Variants in OXR1 observed in about 807,000 individuals in gnomAD.
OXR1 encodes oxidation resistance protein 1.
Under a neutral mutation model 104.6 loss-of-function variants are expected in OXR1, and 41 were observed. The ratio of observed to expected loss-of-function variants is 0.39; its 90% confidence interval spans 0.31 to 0.51. The LOEUF (loss-of-function observed/expected upper bound fraction) is 0.51. Among genes scored for constraint, OXR1 ranks in the 20% least tolerant of loss-of-function variants. The probability of loss-of-function intolerance (pLI) is 0.77; values close to 1 mark genes in which losing one functional copy is unlikely to be tolerated. For missense variants in OXR1, 955 were observed against 1,031.9 expected, an observed-to-expected ratio of 0.93 and a Z score of 1.02; for synonymous variants, 348 against 348.4, an observed-to-expected ratio of 1.00 and a Z score of 0.01.
chr8:106,666,370 A>G (rs1437092039), intron 3 of OXR1, among the ~76,000 whole-genome samples: 1 of 152,218 alleles, frequency 6.6e-6, no homozygotes, highest in African/African-American at 2.4e-5. Flanking sequence ...GCTAATGCAA[A>G]TGAGGAACTG....
chr8:106,401,467 C>T (rs1193305963), intron 2 of OXR1, among the ~76,000 whole-genome samples: 16 of 152,120 alleles, frequency 1.1e-4, no homozygotes, highest in Admixed American at 1.0e-3. Context: ...CACTGTGATT[C>T]ACCTGTAGGG....
In OXR1 at chr8:106,507,800, C is replaced by G. The variant is rs564696473; in HGVS notation, c.24-11143C>G. ...GGAGTGTAGGAGGAAGTTTTTCTCC[C>G]TTTCCTGCATCCCTTCCTTTGTGCG... is the stretch of plus-strand genomic sequence containing the variant. On this transcript the variant is annotated intron_variant, in intron 2 of 16. Coordinates refer to ENST00000517566, the MANE Select transcript of OXR1 (RefSeq NM_001198533.2). Among the ~76,000 whole-genome samples the G allele has an allele frequency of 2.0e-5, 3 of 152,252 alleles. No individual in the cohort carries two copies. In the East Asian group the frequency reaches 5.8e-4, roughly 29 times the overall value.
intron 2 of OXR1, among the ~76,000 whole-genome samples, chr8:106,454,543 T>C (rs533294127): frequency 2.1e-4 from 32 of 152,184 alleles, no homozygotes; most frequent in African/African-American, 7.7e-4. Flanking sequence ...ACACCTACTT[T>C]GCAAGTTTTG....
chr8:106,460,191 T>C (rs1280554356), intron 2 of OXR1, among the ~76,000 whole-genome samples: 1 of 152,186 alleles, frequency 6.6e-6, no homozygotes, highest in East Asian at 1.9e-4. Context: ...CACTGACTTC[T>C]AAGTTGACAG....
At chr8:106,619,232 C>T (rs1821492573) in intron 3 of OXR1, among the ~76,000 whole-genome samples, 1 of 152,104 alleles carries the variant, frequency 6.6e-6, no homozygotes, top group Non-Finnish European at 1.5e-5. Flanking sequence ...AGGACATTAT[C>T]CCTTTTTAAG....
chr8:106,706,500 C>T lies in OXR1; in HGVS notation c.979C>T (p.Pro327Ser), dbSNP rs1378996751. 1 of 1,605,224 alleles carries T rather than the reference C, an allele frequency of 6.2e-7. No homozygotes were observed. Among genetic ancestry groups the T allele is most frequent in the Non-Finnish European group, 8.5e-7 (1 of 1,177,882 alleles). ...DAGNDSASTA[P>S]RSTEESLSED... The stretch of plus-strand genomic sequence containing the variant: ...AGGTAATGATAGTGCCAGCACTGCT[C>T]CTAGGAGCACTGAGGAGTCTCTTTC... Residue 327 changes from proline to serine, a missense_variant, in exon 9 of 17, where the codon CCT becomes TCT. Pro to Ser is a moderately conservative substitution (Grantham distance 74). Around this residue, in one of 2 missense-constraint regions of OXR1, gnomAD observed 849 missense variants for 852.9 expected, o/e 1.00. Transcript: ENST00000517566.
intron 16 of OXR1, among the ~76,000 whole-genome samples, chr8:106,748,094 G>A (rs899172757): frequency 2.0e-5 from 3 of 152,222 alleles, no homozygotes; most frequent in African/African-American, 7.2e-5. Flanking sequence ...GTTGTTGCCA[G>A]TAGAGTTAGA....
intron 2 of OXR1, among the ~76,000 whole-genome samples, chr8:106,486,827 G>A (rs1030040899): frequency 1.3e-5 from 2 of 151,876 alleles, no homozygotes; most frequent in Non-Finnish European, 1.5e-5. Context: ...CATATGCAGA[G>A]TAACTTACTG....
intron 2 of OXR1, among the ~76,000 whole-genome samples, chr8:106,485,605 C>A (rs1426022534): frequency 6.6e-6 from 1 of 152,080 alleles, no homozygotes; most frequent in Non-Finnish European, 1.5e-5. Flanking sequence ...TATGGTCCAG[C>A]AATCTCATTA....
intron 3 of OXR1, among the ~76,000 whole-genome samples, chr8:106,590,608 C>T (rs1819006652): frequency 6.6e-6 from 1 of 152,130 alleles, no homozygotes; most frequent in African/African-American, 2.4e-5. Flanking sequence ...TTTAGTTACT[C>T]GACATCTTTA....
At chr8:106,340,443 C>T (rs1180347295) in intron 1 of OXR1, among the ~76,000 whole-genome samples, 1 of 152,020 alleles carries the variant, frequency 6.6e-6, no homozygotes, top group Non-Finnish European at 1.5e-5. Flanking sequence ...TTTAAATTGT[C>T]CCCTTTCATG....
At chr8:106,316,076 G>A (rs1394218717) in intron 1 of OXR1, among the ~76,000 whole-genome samples, 3 of 152,184 alleles carry the variant, frequency 2.0e-5, no homozygotes, top group African/African-American at 7.2e-5. Context: ...AAAAACTGTA[G>A]TAAGTCGACA....
intron 2 of OXR1, among the ~76,000 whole-genome samples, chr8:106,426,532 T>A (rs1333009607): frequency 6.6e-6 from 1 of 152,190 alleles, no homozygotes; most frequent in Non-Finnish European, 1.5e-5. Flanking sequence ...ATTTTTCCAT[T>A]GGGTCATTGA....
At position 106,373,599 on chromosome 8, in the gene OXR1, T is replaced by A. The variant is rs1263338371; in HGVS notation, c.23+13963T>A. Among the ~76,000 whole-genome samples the A allele has an allele frequency of 2.0e-5, 3 of 152,152 alleles. No homozygotes were observed. The East Asian group carries it at 5.8e-4, about 29-fold the overall frequency. ...TATAGATGGAAGATAGGGTGTTCTT[T>A]AATATCTTTTTAGACAGTCTCCCTC... On this transcript the variant is annotated intron_variant, in intron 2 of 16. Coordinates refer to ENST00000517566, the MANE Select transcript of OXR1 (RefSeq NM_001198533.2).
intron 3 of OXR1, among the ~76,000 whole-genome samples, chr8:106,649,290 A>T (rs894593273): frequency 2.2e-4 from 33 of 152,086 alleles, no homozygotes; most frequent in African/African-American, 7.7e-4. Flanking sequence ...AGAAACACAC[A>T]TGCATATATA....
At chr8:106,610,764 G>T (rs1029315994) in intron 3 of OXR1, among the ~76,000 whole-genome samples, 3 of 152,084 alleles carry the variant, frequency 2.0e-5, no homozygotes, top group African/African-American at 7.2e-5. Context: ...GACATTATTC[G>T]AAGAAACAAT....
intron 2 of OXR1, among the ~76,000 whole-genome samples, chr8:106,500,767 T>G (rs1811759115): frequency 6.6e-6 from 1 of 152,212 alleles, no homozygotes; most frequent in South Asian, 2.1e-4. Context: ...AATGTTTTCC[T>G]TTTAGTTAAT....
intron 2 of OXR1, among the ~76,000 whole-genome samples, chr8:106,507,430 T>C (rs1020383852): frequency 1.2e-4 from 18 of 152,350 alleles, no homozygotes; most frequent in African/African-American, 4.3e-4. Context: ...TTAACCCTTG[T>C]GCTATTCTCT....
At chr8:106,403,063 A>T (rs1818068317) in intron 2 of OXR1, among the ~76,000 whole-genome samples, 1 of 152,098 alleles carries the variant, frequency 6.6e-6, no homozygotes, top group African/African-American at 2.4e-5. Context: ...CTTGTGATCC[A>T]CCCGTCTCGG....
Sources: gnomAD v4.1 joint callset for allele counts (sites outside exome capture counted in the v4.1 genomes callset) on GRCh38, gnomAD v4.1.1 for gene constraint, gnomAD v4.1.1 regional missense constraint, MANE v1.5 for transcripts, NCBI Gene and HGNC (gene_info 2026-07-23, HGNC 2026-07-21) for gene names.